Variants in GRIK4 observed in about 807,000 individuals in gnomAD.
GRIK4 encodes glutamate ionotropic receptor kainate type subunit 4, also known as glutamate receptor ionotropic, kainate 4.
GRIK4 carries 40 observed loss-of-function variants against 104.9 expected under a neutral mutation model. The observed-to-expected ratio is 0.38, with a 90% CI of 0.30 to 0.50. The LOEUF is 0.50. Ranked by LOEUF, GRIK4 falls within the 20% of genes least tolerant of loss-of-function variation. The probability of loss-of-function intolerance (pLI) is 0.93; values close to 1 mark genes in which losing one functional copy is unlikely to be tolerated. For synonymous variants in GRIK4, 485 were observed against 524.9 expected, an observed-to-expected ratio of 0.92 and a Z score of 1.04; for missense variants, 1,047 against 1,308.1, an observed-to-expected ratio of 0.80 and a Z score of 3.08.
At chr11:120,984,584 T>C (rs575118558) in intron 20 of GRIK4, among the ~76,000 whole-genome samples, 3 of 152,036 alleles carry the variant, frequency 2.0e-5, no homozygotes, top group Non-Finnish European at 4.4e-5. Flanking sequence ...CTGGCCAACA[T>C]AGTGAAACCC....
chr11:120,602,018 T>C (rs992291722), intron 1 of GRIK4, among the ~76,000 whole-genome samples: 2 of 152,134 alleles, frequency 1.3e-5, no homozygotes, highest in East Asian at 3.9e-4. Flanking sequence ...TTCTGAGCCA[T>C]TGATCCTCTC....
intron 3 of GRIK4, among the ~76,000 whole-genome samples, chr11:120,693,767 G>A (rs1950401537): frequency 6.6e-6 from 1 of 152,182 alleles, no homozygotes; most frequent in Non-Finnish European, 1.5e-5. Context: ...GGGCATGAAG[G>A]AGGAGGCATA....
At chr11:120,912,155 G>A (rs1943012986) in intron 13 of GRIK4, among the ~76,000 whole-genome samples, 1 of 152,212 alleles carries the variant, frequency 6.6e-6, no homozygotes, top group African/African-American at 2.4e-5. Context: ...GAGAATGTAG[G>A]ATGACTCACC....
intron 16 of GRIK4, 65 bp from the exon 17 acceptor site, chr11:120,960,844 G>A: frequency 7.7e-7 from 1 of 1,296,864 alleles, no homozygotes; most frequent in Non-Finnish European, 1.1e-6. Flanking sequence ...GCAGGACTGG[G>A]GTCAGGGGCC....
chr11:120,931,911 C>T (rs190751539), intron 13 of GRIK4, among the ~76,000 whole-genome samples: 2 of 152,246 alleles, frequency 1.3e-5, no homozygotes, highest in African/African-American at 4.8e-5. Flanking sequence ...GTGTTCTAGC[C>T]ACTCTGGCCT....
chr11:120,833,261 CTCTTTCTT>C lies in GRIK4; in HGVS notation c.690+1235_690+1242del, dbSNP rs992316649. ...TATACCCAACTCACATTATCTCTCT[CTCTTTCTT>C]TCTCTCTCTCTCTTTCTCTCTGACA... On this transcript the variant is annotated intron_variant, in intron 7 of 20. Transcript: ENST00000527524. 3.4e-5 allele frequency among the ~76,000 whole-genome samples: 5 copies of C among 146,380 alleles called. No homozygotes were observed. In the Admixed American group the frequency reaches 3.5e-4, roughly 10 times the overall value.
chr11:120,830,571 G>A (rs561248684), intron 6 of GRIK4, among the ~76,000 whole-genome samples: 10 of 152,086 alleles, frequency 6.6e-5, no homozygotes, highest in Non-Finnish European at 1.5e-4. Context: ...CCAGCAGCAC[G>A]GGGCCTTGGA....
At chr11:120,979,806 C>A (rs1944620709) in intron 19 of GRIK4, among the ~76,000 whole-genome samples, 1 of 152,048 alleles carries the variant, frequency 6.6e-6, no homozygotes, top group Non-Finnish European at 1.5e-5. Flanking sequence ...AATGCGAGAC[C>A]CTCTGCAAGG....
At chr11:120,963,588 G>A (rs970946657) in intron 18 of GRIK4, among the ~76,000 whole-genome samples, 2 of 152,218 alleles carry the variant, frequency 1.3e-5, no homozygotes, top group African/African-American at 2.4e-5. Context: ...AGCAGGAATC[G>A]AGGCCATCAG....
chr11:120,727,338 G>A (rs1037203438), intron 3 of GRIK4, among the ~76,000 whole-genome samples: 2 of 152,278 alleles, frequency 1.3e-5, no homozygotes, highest in African/African-American at 4.8e-5. Flanking sequence ...AGAAAGTCCA[G>A]ATAAAAGTTG....
At chr11:120,806,808 A>T (rs1033589420) in intron 4 of GRIK4, among the ~76,000 whole-genome samples, 3 of 152,216 alleles carry the variant, frequency 2.0e-5, no homozygotes, top group Non-Finnish European at 4.4e-5. Context: ...TGGAAGCCAG[A>T]GGTCAGCCCC....
At chr11:120,959,683 G>A (rs570417336) in intron 16 of GRIK4, among the ~76,000 whole-genome samples, 274 of 152,340 alleles carry the variant, frequency 1.8e-3, no homozygotes, top group Non-Finnish European at 3.1e-3. Context: ...TGCTGCCTGA[G>A]CTGCAAAATT....
intron 4 of GRIK4, among the ~76,000 whole-genome samples, chr11:120,806,171 C>T (rs1176751803): frequency 6.6e-6 from 1 of 152,152 alleles, no homozygotes; most frequent in Admixed American, 6.5e-5. Context: ...TTCTCTCACC[C>T]CACATTTGAA....
chr11:120,890,986 A>G (rs1955272362), intron 11 of GRIK4, among the ~76,000 whole-genome samples: 1 of 152,258 alleles, frequency 6.6e-6, no homozygotes, highest in Admixed American at 6.5e-5. Flanking sequence ...CTGCGTGCAC[A>G]CCCACAGATG....
At chr11:120,546,079 T>C (rs1407141973) in intron 1 of GRIK4, among the ~76,000 whole-genome samples, 1 of 152,110 alleles carries the variant, frequency 6.6e-6, no homozygotes, top group Non-Finnish European at 1.5e-5. Context: ...CCGTGGTCTT[T>C]GTGGGTGGGT....
At chr11:120,901,390 C>T (rs560345261) in intron 12 of GRIK4, among the ~76,000 whole-genome samples, 1 of 152,184 alleles carries the variant, frequency 6.6e-6, no homozygotes, top group African/African-American at 2.4e-5. Context: ...TTACCCTTCC[C>T]TCTAATTTCT....
chr11:120,604,983 C>T (rs1353312126), intron 1 of GRIK4, among the ~76,000 whole-genome samples: 2 of 152,196 alleles, frequency 1.3e-5, no homozygotes, highest in African/African-American at 4.8e-5. Context: ...CTGTCTCAGC[C>T]TCCCGAGTAG....
intron 13 of GRIK4, among the ~76,000 whole-genome samples, chr11:120,935,703 T>C (rs902388171): frequency 1.3e-5 from 2 of 152,060 alleles, no homozygotes; most frequent in East Asian, 1.9e-4. Flanking sequence ...TTCATCGGAG[T>C]CAACTAAAGA....
chr11:120,628,046 G>A (rs1949283238), intron 1 of GRIK4, among the ~76,000 whole-genome samples: 1 of 152,210 alleles, frequency 6.6e-6, no homozygotes, highest in South Asian at 2.1e-4. Flanking sequence ...AAGGCACAAA[G>A]GGCTGTATGA....
Sources: gnomAD v4.1 joint callset for allele counts (sites outside exome capture counted in the v4.1 genomes callset) on GRCh38, gnomAD v4.1.1 for gene constraint, MANE v1.5 for transcripts, NCBI Gene and HGNC (gene_info 2026-07-23, HGNC 2026-07-21) for gene names.